NHS: variants seen among roughly 807,000 people sequenced by gnomAD.
The protein encoded by NHS is actin remodeling regulator NHS.
In NHS, 5 loss-of-function variants were observed where a neutral mutation model predicts 72.5. The ratio of observed to expected loss-of-function variants is 0.07; its 90% CI spans 0.04 to 0.14. The LOEUF (loss-of-function observed/expected upper bound fraction) is 0.14, where lower values mean the gene tolerates loss of function less well. Ranked by LOEUF, NHS falls within the 10% of genes least tolerant of loss-of-function variation. The pLI is 1.00. For synonymous variants in NHS, 464 were observed against 547.7 expected, an observed-to-expected ratio of 0.85 and a Z score of 2.13; for missense variants, 1,072 against 1,355.7, an observed-to-expected ratio of 0.79 and a Z score of 3.29.
chrX:17,596,949 T>C (rs994463649), intron 1 of NHS, among the ~76,000 whole-genome samples: 6 of 110,804 alleles, frequency 5.4e-5, no homozygotes, highest in African/African-American at 1.6e-4. Context: ...GTGGAGGTTT[T>C]ATGGGCCCAC....
intron 1 of NHS, among the ~76,000 whole-genome samples, chrX:17,481,600 A>G (rs2064946343): frequency 1.1e-5 from 1 of 92,626 alleles, no homozygotes; most frequent in Admixed American, 1.1e-4. Context: ...TTGTTCTATC[A>G]TGTTTGAAAG....
chrX:17,524,138 G>A (rs1230401315), intron 1 of NHS, among the ~76,000 whole-genome samples: 1 of 112,110 alleles, frequency 8.9e-6, no homozygotes, highest in Non-Finnish European at 1.9e-5. Context: ...TTACAGGACA[G>A]GTGCAAGAAT....
At chrX:17,574,473 G>A (rs191429218) in intron 1 of NHS, among the ~76,000 whole-genome samples, 63 of 112,430 alleles carry the variant, frequency 5.6e-4, no homozygotes, top group African/African-American at 1.8e-3. Flanking sequence ...TGCTAGCAGC[G>A]AGCAAGGCTC....
At chrX:17,565,798 A>G (rs1297775154) in intron 1 of NHS, among the ~76,000 whole-genome samples, 2 of 112,244 alleles carry the variant, frequency 1.8e-5, no homozygotes, top group Non-Finnish European at 3.8e-5. Flanking sequence ...CCATGAATAT[A>G]CGCCACATAC....
chrX:17,496,787 C>T (rs1372465587), intron 1 of NHS, among the ~76,000 whole-genome samples: 1 of 112,074 alleles, frequency 8.9e-6, no homozygotes, highest in Non-Finnish European at 1.9e-5. Flanking sequence ...CTGTTGTCTT[C>T]CTCTATCCAC....
chrX:17,390,581 G>A (rs1209337322), intron 1 of NHS, among the ~76,000 whole-genome samples: 1 of 111,673 alleles, frequency 9.0e-6, no homozygotes, highest in African/African-American at 3.3e-5. Context: ...GCGGCAATGT[G>A]GGGGAGAAGT....
At chrX:17,664,425 A>G (rs766803859) in intron 1 of NHS, among the ~76,000 whole-genome samples, 5 of 112,165 alleles carry the variant, frequency 4.5e-5, no homozygotes, top group African/African-American at 1.6e-4. Context: ...TAGTTGTTCC[A>G]GAACCATTTG....
At chrX:17,673,629 C>T (rs1024898527) in intron 1 of NHS, among the ~76,000 whole-genome samples, 1 of 111,564 alleles carries the variant, frequency 9.0e-6, no homozygotes, top group Non-Finnish European at 1.9e-5. Context: ...TCATCTTCAT[C>T]TTCTTCCTAA....
intron 1 of NHS, among the ~76,000 whole-genome samples, chrX:17,419,147 A>G (rs1199912347): frequency 1.8e-5 from 2 of 112,825 alleles, no homozygotes; most frequent in African/African-American, 6.4e-5. Flanking sequence ...TTTCATAAAC[A>G]GAATTTTCCC....
intron 1 of NHS, among the ~76,000 whole-genome samples, chrX:17,597,453 AAAC>A (rs1175671935): frequency 1.5e-4 from 16 of 107,354 alleles, no homozygotes; most frequent in African/African-American, 3.7e-4. Flanking sequence ...TTTTAAGAAA[AAAC>A]AAAAAACTGG....
At chrX:17,596,077 CTATT>C (rs2065623119) in intron 1 of NHS, among the ~76,000 whole-genome samples, 1 of 111,718 alleles carries the variant, frequency 9.0e-6, no homozygotes. Context: ...GTACTCACCA[CTATT>C]TATTGAAATC....
chrX:17,386,693 A>G (rs1186810921), intron 1 of NHS, among the ~76,000 whole-genome samples: 1 of 109,811 alleles, frequency 9.1e-6, no homozygotes, highest in African/African-American at 3.3e-5. Flanking sequence ...AAGAAAAAGA[A>G]AAAAAAGAAT....
At chrX:17,572,877 G>T (rs1373501468) in intron 1 of NHS, among the ~76,000 whole-genome samples, 2 of 111,626 alleles carry the variant, frequency 1.8e-5, no homozygotes, top group East Asian at 2.8e-4. Flanking sequence ...AGGCCTGGTG[G>T]TGACAAAATC....
intron 1 of NHS, among the ~76,000 whole-genome samples, chrX:17,430,895 G>A (rs748442493): frequency 8.9e-6 from 1 of 112,043 alleles, no homozygotes; most frequent in African/African-American, 3.2e-5. Context: ...CATTTGAGCT[G>A]TTCCCACCTT....
intron 1 of NHS, among the ~76,000 whole-genome samples, chrX:17,578,647 T>A (rs1462536141): frequency 8.9e-6 from 1 of 112,102 alleles, no homozygotes; most frequent in Non-Finnish European, 1.9e-5. Flanking sequence ...CAACAAGAAG[T>A]AAGGCTGGAC....
chrX:17,499,721 A>T lies in NHS; in HGVS notation c.565+123399A>T, dbSNP rs184810196. 3.6e-5 allele frequency among the ~76,000 whole-genome samples: 4 copies of T among 111,841 alleles called. No homozygotes were observed. In the Admixed American group the frequency reaches 3.8e-4, roughly 11 times the overall value. On this transcript the variant is annotated intron_variant, in intron 1 of 8. Coordinates refer to ENST00000676302, the MANE Select transcript of NHS (RefSeq NM_001291867.2). ...TATCTGCAGGGAGAGAGCTTTTGTC[A>T]TGGGAAAGGAGTGACTTACCTTCCA...
chrX:17,522,900 C>T (rs1200994173), intron 1 of NHS, among the ~76,000 whole-genome samples: 1 of 111,708 alleles, frequency 9.0e-6, no homozygotes, highest in East Asian at 2.8e-4. Context: ...AGTTCTAATT[C>T]ATCTTCTTCC....
intron 1 of NHS, among the ~76,000 whole-genome samples, chrX:17,642,737 T>C (rs2147077697): frequency 1.8e-5 from 2 of 112,389 alleles, no homozygotes; most frequent in African/African-American, 6.5e-5. Context: ...GCTTATGCTA[T>C]AATTTCTCCA....
intron 1 of NHS, among the ~76,000 whole-genome samples, chrX:17,570,690 G>A (rs1277188132): frequency 8.9e-6 from 1 of 111,773 alleles, no homozygotes; most frequent in Admixed American, 9.5e-5. Context: ...GCCCTGGCCA[G>A]AACTTCCAAT....
Sources: allele counts gnomAD v4.1 joint callset (sites outside exome capture counted in the v4.1 genomes callset), GRCh38; gene constraint gnomAD v4.1.1; transcripts MANE v1.5; gene names NCBI Gene and HGNC (gene_info 2026-07-23, HGNC 2026-07-21).